TEKT1: variants seen among roughly 807,000 people sequenced by gnomAD.
The protein encoded by TEKT1 is tektin-1.
In TEKT1, 32 loss-of-function variants were observed where a neutral mutation model predicts 34.8. The observed-to-expected ratio is 0.92, with a 90% CI of 0.69 to 1.23. The LOEUF (loss-of-function observed/expected upper bound fraction) is 1.23, where lower values mean the gene tolerates loss of function less well. Among genes scored for constraint, TEKT1 ranks in the 50% most tolerant of loss-of-function variants. TEKT1 has a pLI of 0.00. For missense variants in TEKT1, 492 were observed against 518.5 expected, an observed-to-expected ratio of 0.95 and a Z score of 0.50; for synonymous variants, 207 against 199.8, an observed-to-expected ratio of 1.04 and a Z score of -0.30.
chr17:6,819,161 A>T (rs1390880638), intron 3 of TEKT1, 32 bp downstream of exon 3: 10 of 1,601,826 alleles, frequency 6.2e-6, no homozygotes, highest in Non-Finnish European at 8.5e-6. Flanking sequence ...TTGTCACAAC[A>T]CATGAATCAT....
chr17:6,813,085 A>G (rs746652090), intron 5 of TEKT1, 32 bp from the exon 6 acceptor site: 2 of 1,589,106 alleles, frequency 1.3e-6, no homozygotes, highest in East Asian at 2.2e-5. Context: ...CATTCACAGC[A>G]TATTTGGGGT....
chr17:6,809,442 A>G lies in TEKT1; in HGVS notation c.852+3389T>C, dbSNP rs144865289. Among the ~76,000 whole-genome samples the G allele has an allele frequency of 4.9e-3, 751 of 152,146 alleles. 10 individuals carry two copies. The highest frequency in any genetic ancestry group is 0.015 in the African/African-American group (608 of 41,506). On this transcript the variant is annotated intron_variant, in intron 6 of 7. Transcript: ENST00000338694. ...AGACAGGGTTTCGCTGTGTTGGCCA[A>G]GCTGGTCTTGAACCTCTGACCTCAG...
chr17:6,798,197 G>C lies in TEKT1; in HGVS notation c.*1830C>G, dbSNP rs74638274. On this transcript the variant is annotated 3_prime_UTR_variant, in exon 8 of 8. Coordinates refer to ENST00000338694, the MANE Select transcript of TEKT1 (RefSeq NM_053285.2). ...TTTACAGATTAGGCAACTGAAGCTCGGGGAAGTTGAGTAACTTGGCGGGGA... is the reference window on the plus strand; with the variant it reads ...TTTACAGATTAGGCAACTGAAGCTCCGGGAAGTTGAGTAACTTGGCGGGGA... 6.6e-6 allele frequency: 1 copy of C among 152,168 alleles called. No individual in the cohort carries two copies. Among genetic ancestry groups the C allele is most frequent in the Non-Finnish European group, 1.5e-5 (1 of 68,040 alleles). 9.4% of individuals were successfully genotyped at this position (152,168 alleles called of 1,614,324 possible).
chr17:6,819,075 T>TA, intron 3 of TEKT1, 118 bp downstream of exon 3: 1 of 1,311,786 alleles, frequency 7.6e-7, no homozygotes, highest in Non-Finnish European at 1.0e-6. Context: ...CTTCAGGCTC[T>TA]AAAAGAACAC....
Position 6,812,897 on chromosome 17 carries a change from C to T in TEKT1, c.786G>A (p.Thr262=), listed in dbSNP as rs370834969. 2.4e-5 allele frequency: 38 copies of T among 1,614,082 alleles called. No homozygotes were observed. Among genetic ancestry groups the T allele is most frequent in the Middle Eastern group, 3.3e-4 (2 of 6,082 alleles). ...TATCCTTCAGCCCATTCTTGAATGC[C>T]GTGTCCACCACATCACACTGCTTGC... ...DLRKQCDVVD[T]AFKNGLKDTK... The change falls in exon 6 of 8, where the codon ACG becomes ACA. Residue 262 remains threonine (T), a synonymous_variant. Coordinates refer to ENST00000338694, the MANE Select transcript of TEKT1 (RefSeq NM_053285.2).
At chr17:6,816,928 C>T (rs903098668) in intron 3 of TEKT1, among the ~76,000 whole-genome samples, 2 of 152,180 alleles carry the variant, frequency 1.3e-5, no homozygotes, top group Non-Finnish European at 2.9e-5. Context: ...GCCATTCTAA[C>T]TAGCATGAGA....
At chr17:6,818,100 A>G (rs928548430) in intron 3 of TEKT1, among the ~76,000 whole-genome samples, 11 of 152,200 alleles carry the variant, frequency 7.2e-5, no homozygotes, top group African/African-American at 2.4e-4. Flanking sequence ...CCACACACCT[A>G]AGCACATCCC....
chr17:6,810,324 T>C (rs975007460), intron 6 of TEKT1, among the ~76,000 whole-genome samples: 2 of 152,266 alleles, frequency 1.3e-5, no homozygotes, highest in Admixed American at 6.5e-5. Flanking sequence ...TTGGTCTGTT[T>C]TCCCATTGTT....
In TEKT1 at chr17:6,800,062, A is replaced by G. The variant is rs369084701; in HGVS notation, c.1222T>C (p.Trp408Arg). Reference sequence around the variant, plus strand: ...GCATCAGGGCGGAGGCCCCCAGCCCAGACCCCATGGTCTTCCCCATCCCGA... The same window carrying G: ...GCATCAGGGCGGAGGCCCCCAGCCCGGACCCCATGGTCTTCCCCATCCCGA... ...PLRDGEDHGV[W>R]AGGLRPDAVC is the part of the protein sequence containing the mutation. Residue 408 changes from tryptophan to arginine, a missense_variant, in exon 8 of 8, where the codon TGG (tryptophan) becomes CGG (arginine). Transcript: ENST00000338694. 24 of 1,611,980 alleles carry G rather than the reference A, an allele frequency of 1.5e-5. No individual in the cohort carries two copies. Among genetic ancestry groups the G allele is most frequent in the Non-Finnish European group, 1.9e-5 (23 of 1,179,968 alleles).
chr17:6,826,766 C>T (rs752185578), intron 2 of TEKT1, among the ~76,000 whole-genome samples: 33 of 151,194 alleles, frequency 2.2e-4, no homozygotes, highest in Non-Finnish European at 2.8e-4. Flanking sequence ...CACTATCTCA[C>T]GTCACTGCAA....
intron 6 of TEKT1, among the ~76,000 whole-genome samples, chr17:6,805,962 TTCTGTAGATGTCTATTAGG>T (rs1314293469): frequency 9.2e-5 from 14 of 152,160 alleles, no homozygotes; most frequent in Admixed American, 2.0e-4. Flanking sequence ...GGGTGGAGAG[TTCTGTAGATGTCTATTAGG>T]TCTGCTTGGT....
chr17:6,809,389 A>G (rs974724922), intron 6 of TEKT1, among the ~76,000 whole-genome samples: 5 of 151,974 alleles, frequency 3.3e-5, no homozygotes, highest in Admixed American at 2.0e-4. Context: ...GCGCCACCAC[A>G]GCCAGCTAAT....
At chr17:6,822,114 G>A (rs1447656250) in intron 2 of TEKT1, among the ~76,000 whole-genome samples, 1 of 152,056 alleles carries the variant, frequency 6.6e-6, no homozygotes. Context: ...ATGCTTCCTG[G>A]GCCAGGCCTA....
At chr17:6,812,006 T>C (rs1284183921) in intron 6 of TEKT1, among the ~76,000 whole-genome samples, 1 of 152,096 alleles carries the variant, frequency 6.6e-6, no homozygotes, top group Non-Finnish European at 1.5e-5. Context: ...CATCTTGCAT[T>C]GTAATCCCCA....
chr17:6,805,909 A>C (rs1359547780), intron 6 of TEKT1, among the ~76,000 whole-genome samples: 1 of 152,174 alleles, frequency 6.6e-6, no homozygotes, highest in Non-Finnish European at 1.5e-5. Flanking sequence ...TTTTGGAATA[A>C]GTGCGGTGTG....
intron 5 of TEKT1, among the ~76,000 whole-genome samples, chr17:6,813,551 G>C (rs966259269): frequency 4.4e-5 from 6 of 135,082 alleles, no homozygotes; most frequent in Admixed American, 1.5e-4. Context: ...GAAGAAACCA[G>C]ACACACACAC....
chr17:6,828,912 A>T (rs1904485144), intron 2 of TEKT1, among the ~76,000 whole-genome samples: 1 of 151,908 alleles, frequency 6.6e-6, no homozygotes, highest in African/African-American at 2.4e-5. Flanking sequence ...AGACTTTGGG[A>T]GGCTGAGGCG....
In TEKT1 at chr17:6,798,675, T is replaced by A. The variant is rs1976726563; in HGVS notation, c.*1352A>T. 6.6e-6 allele frequency: 1 copy of A among 152,190 alleles called. No individual in the cohort carries two copies. The highest frequency in any genetic ancestry group is 2.1e-4 in the South Asian group (1 of 4,820). The allele number at this position is 152,190 out of a possible 1,614,324, so 9.4% of individuals were successfully genotyped here. A position where few individuals can be genotyped will look rare whatever the true frequency, so the allele number is the denominator to read the frequency against. Reference sequence around the variant, plus strand: ...GTTTCTCCATCCCAGATTGGGAACATCCCTTTCTGATGGCAAAGAGTCTCT... The same window carrying A: ...GTTTCTCCATCCCAGATTGGGAACAACCCTTTCTGATGGCAAAGAGTCTCT... On this transcript the variant is annotated 3_prime_UTR_variant, in exon 8 of 8. Coordinates refer to ENST00000338694, the MANE Select transcript of TEKT1 (RefSeq NM_053285.2).
intron 2 of TEKT1, among the ~76,000 whole-genome samples, chr17:6,823,256 A>G (rs1443188700): frequency 6.6e-6 from 1 of 152,176 alleles, no homozygotes; most frequent in African/African-American, 2.4e-5. Context: ...AAGTAACTGG[A>G]TGCATCCAGT....
Sources: allele counts gnomAD v4.1 joint callset (sites outside exome capture counted in the v4.1 genomes callset), GRCh38; gene constraint gnomAD v4.1.1; transcripts MANE v1.5; gene names NCBI Gene and HGNC (gene_info 2026-07-23, HGNC 2026-07-21).